The following RAB31 variants were observed in gnomAD, a reference collection of about 807,000 sequenced individuals.
RAB31 encodes the protein ras-related protein Rab-31.
Under a neutral mutation model 25.6 loss-of-function variants are expected in RAB31, and 21 were observed. The observed-to-expected ratio is 0.82, with a 90% confidence interval of 0.58 to 1.18. The LOEUF (loss-of-function observed/expected upper bound fraction) is 1.18, where lower values mean the gene tolerates loss of function less well. Among genes scored for constraint, RAB31 ranks in the 50% most tolerant of loss-of-function variants. The pLI is 0.00. For synonymous variants in RAB31, 87 were observed against 84.0 expected, an observed-to-expected ratio of 1.04 and a Z score of -0.20; for missense variants, 196 against 250.1, an observed-to-expected ratio of 0.78 and a Z score of 1.46.
At chr18:9,815,067 T>TA in intron 4 of RAB31, 49 bp from the exon 5 acceptor site, 1 of 1,306,310 alleles carries the variant, frequency 7.7e-7, no homozygotes, top group East Asian at 2.5e-5. Flanking sequence ...TTAGTTGAAA[T>TA]ATTATATTGA....
intron 1 of RAB31, among the ~76,000 whole-genome samples, chr18:9,741,326 G>T (rs376485657): frequency 2.2e-5 from 3 of 134,256 alleles, no homozygotes; most frequent in African/African-American, 8.4e-5. Flanking sequence ...GCAGTGAGCC[G>T]AGATAACGCT....
At chr18:9,761,241 T>C (rs777685992) in intron 1 of RAB31, among the ~76,000 whole-genome samples, 1 of 152,170 alleles carries the variant, frequency 6.6e-6, no homozygotes, top group Admixed American at 6.5e-5. Context: ...GAATCAGTAC[T>C]CGCAGAGCAG....
At chr18:9,855,318 A>G (rs1022771178) in intron 6 of RAB31, among the ~76,000 whole-genome samples, 2 of 152,194 alleles carry the variant, frequency 1.3e-5, no homozygotes, top group African/African-American at 4.8e-5. Flanking sequence ...ATTAAAATAA[A>G]CACTCTGGCC....
intron 1 of RAB31, among the ~76,000 whole-genome samples, chr18:9,720,947 A>G (rs961746653): frequency 6.6e-6 from 1 of 152,094 alleles, no homozygotes; most frequent in African/African-American, 2.4e-5. Context: ...TTGGCTTAGC[A>G]GGTAGTGCTG....
At chr18:9,709,056 G>C (rs1367771267) in intron 1 of RAB31, among the ~76,000 whole-genome samples, 1 of 152,196 alleles carries the variant, frequency 6.6e-6, no homozygotes, top group African/African-American at 2.4e-5. Context: ...GCAGTGACCT[G>C]TGCGGAGCGC....
At chr18:9,800,354 AC>A (rs1489676053) in intron 3 of RAB31, among the ~76,000 whole-genome samples, 3 of 152,106 alleles carry the variant, frequency 2.0e-5, no homozygotes, top group Non-Finnish European at 4.4e-5. Context: ...ATACTTTTAC[AC>A]AGTTCATGAC....
chr18:9,741,313 G>T (rs2068177631), intron 1 of RAB31, among the ~76,000 whole-genome samples: 1 of 142,988 alleles, frequency 7.0e-6, no homozygotes, highest in Non-Finnish European at 1.5e-5. Flanking sequence ...TGGGGCAGAG[G>T]TTGCAGTGAG....
At chr18:9,792,107 T>A in intron 2 of RAB31, 47 bp from the exon 3 acceptor site, 3 of 1,563,992 alleles carry the variant, frequency 1.9e-6, no homozygotes, top group Non-Finnish European at 2.6e-6. Flanking sequence ...TGAATCTTTG[T>A]GAAGAAACAA....
At chr18:9,802,116 C>T (rs1421471345) in intron 3 of RAB31, among the ~76,000 whole-genome samples, 1 of 152,186 alleles carries the variant, frequency 6.6e-6, no homozygotes, top group Non-Finnish European at 1.5e-5. Context: ...AATGTGAGTT[C>T]TCCAACTTCG....
chr18:9,813,442 A>G (rs1267023912), intron 3 of RAB31, among the ~76,000 whole-genome samples: 1 of 152,252 alleles, frequency 6.6e-6, no homozygotes, highest in Non-Finnish European at 1.5e-5. Context: ...GAAAATTCAC[A>G]AGATGGTAAC....
At chr18:9,806,997 C>T (rs2068545012) in intron 3 of RAB31, among the ~76,000 whole-genome samples, 1 of 152,104 alleles carries the variant, frequency 6.6e-6, no homozygotes, top group Non-Finnish European at 1.5e-5. Context: ...GGCTGTGTGG[C>T]CAGTTTGGAG....
intron 5 of RAB31, among the ~76,000 whole-genome samples, chr18:9,834,160 G>C (rs563531515): frequency 6.6e-6 from 1 of 151,992 alleles, no homozygotes; most frequent in South Asian, 2.1e-4. Flanking sequence ...TTGTTGCCCA[G>C]GCTAGAGTAC....
At chr18:9,779,456 A>G (rs2068390910) in intron 2 of RAB31, among the ~76,000 whole-genome samples, 1 of 152,184 alleles carries the variant, frequency 6.6e-6, no homozygotes. Flanking sequence ...TTACCTAACA[A>G]GCCACAACAT....
chr18:9,748,220 G>A (rs893879703), intron 1 of RAB31, among the ~76,000 whole-genome samples: 2 of 152,122 alleles, frequency 1.3e-5, no homozygotes, highest in Admixed American at 6.5e-5. Context: ...TATTTGTCTG[G>A]GTGCAGTGGC....
intron 1 of RAB31, among the ~76,000 whole-genome samples, chr18:9,724,879 C>T (rs1477613398): frequency 6.6e-6 from 1 of 152,170 alleles, no homozygotes; most frequent in African/African-American, 2.4e-5. Flanking sequence ...CTCAGTGGCT[C>T]CAAATAACAA....
chr18:9,767,738 A>G (rs1175349991), intron 1 of RAB31, among the ~76,000 whole-genome samples: 5 of 151,948 alleles, frequency 3.3e-5, no homozygotes, highest in African/African-American at 1.2e-4. Flanking sequence ...TTATTATTAC[A>G]CTTTAAGTTC....
intron 1 of RAB31, among the ~76,000 whole-genome samples, chr18:9,752,644 C>A (rs1318315791): frequency 1.3e-5 from 2 of 152,194 alleles, no homozygotes; most frequent in East Asian, 3.8e-4. Flanking sequence ...TTGAGCAGAT[C>A]CTGACTGATA....
intron 5 of RAB31, among the ~76,000 whole-genome samples, chr18:9,831,862 G>A (rs951350887): frequency 6.6e-6 from 1 of 152,194 alleles, no homozygotes; most frequent in Non-Finnish European, 1.5e-5. Flanking sequence ...CCTTGTTTGT[G>A]TTAGAGACAG....
intron 1 of RAB31, among the ~76,000 whole-genome samples, chr18:9,731,246 C>T (rs1267649015): frequency 6.6e-6 from 1 of 151,852 alleles, no homozygotes; most frequent in African/African-American, 2.4e-5. Context: ...TACAAGCTGG[C>T]TCTTTTATTT....
Sources: allele counts gnomAD v4.1 joint callset (sites outside exome capture counted in the v4.1 genomes callset), GRCh38; gene constraint gnomAD v4.1.1; transcripts MANE v1.5; gene names NCBI Gene and HGNC (gene_info 2026-07-23, HGNC 2026-07-21).